The following PTPN3 variants were observed in gnomAD, a reference collection of about 807,000 sequenced individuals.
PTPN3 encodes the protein tyrosine-protein phosphatase non-receptor type 3.
A neutral mutation model predicts 132.7 loss-of-function variants in PTPN3; 96 were observed. The observed-to-expected ratio is 0.72, with a 90% CI of 0.61 to 0.86. The LOEUF (loss-of-function observed/expected upper bound fraction) is 0.86, where lower values mean the gene tolerates loss of function less well. Ranked by LOEUF, PTPN3 falls within the 40% of genes least tolerant of loss-of-function variation. The pLI is 0.00. For missense variants in PTPN3, 1,125 were observed against 1,159.6 expected (o/e 0.97, Z 0.43); for synonymous variants, 398 against 429.0 (o/e 0.93, Z 0.89).
chr9:109,391,993 A>T (rs1176824581), intron 19 of PTPN3, among the ~76,000 whole-genome samples: 1 of 151,680 alleles, frequency 6.6e-6, no homozygotes, highest in African/African-American at 2.4e-5. Context: ...AGAGCATTTC[A>T]TTCATCATTT....
intron 10 of PTPN3, among the ~76,000 whole-genome samples, chr9:109,430,686 T>C (rs1028878237): frequency 2.6e-5 from 4 of 152,140 alleles, no homozygotes; most frequent in African/African-American, 7.2e-5. Flanking sequence ...GAATGATGCA[T>C]GGAAGTAAAT....
intron 8 of PTPN3, 71 bp from the exon 9 acceptor site, chr9:109,437,041 C>G: frequency 6.3e-7 from 1 of 1,595,904 alleles, no homozygotes; most frequent in Non-Finnish European, 8.5e-7. Context: ...TTTAAAAAAT[C>G]TAGAACATTT....
intron 14 of PTPN3, chr9:109,417,766 T>C (rs1842631202): frequency 8.1e-6 from 8 of 985,234 alleles, no homozygotes; most frequent in African/African-American, 1.7e-5. Context: ...CCCTGACATG[T>C]CTATTGTCAG....
intron 19 of PTPN3, among the ~76,000 whole-genome samples, chr9:109,395,996 T>C (rs1479687368): frequency 1.3e-5 from 2 of 151,858 alleles, no homozygotes; most frequent in Non-Finnish European, 2.9e-5. Context: ...AGCTGGAATC[T>C]GTATACAGGC....
At chr9:109,529,198 G>A in the PTPN3 span, among the ~76,000 whole-genome samples, 1 of 152,200 alleles carries the variant, frequency 6.6e-6, no homozygotes, top group Non-Finnish European at 1.5e-5. Context: ...ACACATGAAG[G>A]AGGGAGAAGG....
At chr9:109,484,763 T>C (rs1293271203) in intron 1 of PTPN3, among the ~76,000 whole-genome samples, 2 of 152,190 alleles carry the variant, frequency 1.3e-5, no homozygotes, top group Non-Finnish European at 2.9e-5. Context: ...ACCCTCCTGC[T>C]GTGGCAAGAT....
chr9:109,413,234 A>G (rs943973447), intron 14 of PTPN3, among the ~76,000 whole-genome samples: 1 of 151,980 alleles, frequency 6.6e-6, no homozygotes, highest in Non-Finnish European at 1.5e-5. Flanking sequence ...GATTACAGGC[A>G]TGAGCCACCG....
chr9:109,438,547 G>A (rs1232480139), intron 7 of PTPN3, among the ~76,000 whole-genome samples: 1 of 152,202 alleles, frequency 6.6e-6, no homozygotes, highest in East Asian at 1.9e-4. Flanking sequence ...TCCATACACT[G>A]TGGTCAGCAC....
intron 5 of PTPN3, chr9:109,449,127 G>C (rs755081778): frequency 1.2e-4 from 148 of 1,254,640 alleles, no homozygotes; most frequent in Non-Finnish European, 1.4e-4. Context: ...GGGATGAATG[G>C]GGTGGAAACA....
At chr9:109,524,820 C>T in the PTPN3 span, among the ~76,000 whole-genome samples, 1 of 152,216 alleles carries the variant, frequency 6.6e-6, no homozygotes, top group Non-Finnish European at 1.5e-5. Flanking sequence ...TCACTGCAAC[C>T]TTTGCCTCCC....
At chr9:109,489,110 C>A (rs1485814920) in intron 1 of PTPN3, among the ~76,000 whole-genome samples, 1 of 152,198 alleles carries the variant, frequency 6.6e-6, no homozygotes, top group Non-Finnish European at 1.5e-5. Context: ...CTCTTAAATT[C>A]TATTAGAAAT....
At chr9:109,518,269 C>T in the PTPN3 span, among the ~76,000 whole-genome samples, 1 of 152,222 alleles carries the variant, frequency 6.6e-6, no homozygotes, top group African/African-American at 2.4e-5. Flanking sequence ...GTGAGGTCCT[C>T]TCAGCCAGGC....
In PTPN3 at chr9:109,498,273, G is replaced by A. The variant is rs2132137665; in HGVS notation, c.-72C>T. The stretch of plus-strand genomic sequence containing the variant: ...GGTAGGTCGCGCGTGCGGGCGGCGC[G>A]GAAGCTCGCTCGCGGCGCGACCTGG... On this transcript the variant is annotated 5_prime_UTR_variant, in exon 1 of 26. Coordinates refer to ENST00000374541, the MANE Select transcript of PTPN3 (RefSeq NM_002829.4). This position sits in a 1 kb window ranked among gnomAD's most constrained non-coding sequence, Gnocchi z 4.2. 1 of 146,534 alleles carries A rather than the reference G, an allele frequency of 6.8e-6. No individual in the cohort carries two copies. Among genetic ancestry groups the A allele is most frequent in the African/African-American group, 2.4e-5 (1 of 40,958 alleles). 9.1% of individuals were successfully genotyped at this position (146,534 alleles called of 1,614,324 possible). A position where few individuals can be genotyped will look rare whatever the true frequency, so the allele number is the denominator to read the frequency against.
At chr9:109,478,297 T>C (rs750204779) in intron 1 of PTPN3, among the ~76,000 whole-genome samples, 2 of 151,260 alleles carry the variant, frequency 1.3e-5, no homozygotes, top group Non-Finnish European at 3.0e-5. Context: ...GTAATGTCTA[T>C]GCAATCATAT....
intron 14 of PTPN3, among the ~76,000 whole-genome samples, chr9:109,418,863 C>T (rs1265472235): frequency 6.6e-6 from 1 of 152,218 alleles, no homozygotes; most frequent in East Asian, 1.9e-4. Context: ...CAAACCACCA[C>T]AGGAAGCTCT....
chr9:109,512,027 TTCTAATTTGGTAGG>T, the PTPN3 span, among the ~76,000 whole-genome samples: 3 of 152,154 alleles, frequency 2.0e-5, no homozygotes, highest in Non-Finnish European at 4.4e-5. Context: ...CTCTGGAGAT[TTCTAATTTGGTAGG>T]TCTAATTTGG....
Position 109,427,060 on chromosome 9 carries a change from C to A in PTPN3, c.891G>T (p.Leu297Phe). 2 of 1,614,080 alleles carry A rather than the reference C, an allele frequency of 1.2e-6. No individual in the cohort carries two copies. The highest frequency in any genetic ancestry group is 1.7e-6 in the Non-Finnish European group (2 of 1,179,948). The change falls in exon 12 of 26, where the codon TTG (leucine) becomes TTT (phenylalanine). Residue 297 changes from leucine to phenylalanine, a missense_variant. By Grantham distance (22) the Leu-to-Phe change is conservative. Coordinates refer to ENST00000374541, the MANE Select transcript of PTPN3 (RefSeq NM_002829.4). The part of the protein sequence containing the change: ...NMLNYRSCKN[L>F]WKSCVEHHTF... ...TATGGTGCTCAACACAGGATTTCCA[C>A]AAGTTTTTGCAAGATCGGTAATTCA...
In PTPN3 at chr9:109,404,610, TG is replaced by T; in HGVS notation, c.1793-3del. 1 of 1,520,320 alleles carries T rather than the reference TG, an allele frequency of 6.6e-7. No individual in the cohort carries two copies. Among genetic ancestry groups the T allele is most frequent in the Non-Finnish European group, 8.9e-7 (1 of 1,119,464 alleles). The allele number at this position is 1,520,320 out of a possible 1,614,324, so 94.2% of individuals were successfully genotyped here. A position where few individuals can be genotyped will look rare whatever the true frequency, so the allele number is the denominator to read the frequency against. On this transcript the variant is annotated splice_polypyrimidine_tract_variant and splice_region_variant and intron_variant, in intron 18 of 25. Coordinates refer to ENST00000374541, the MANE Select transcript of PTPN3 (RefSeq NM_002829.4). ...TGAAGTCAGCAAATGAGCGGACAGC[TG>T]TAACGTACAAGACAGTGCATCTGAC...
intron 14 of PTPN3, among the ~76,000 whole-genome samples, chr9:109,411,961 G>A (rs944919485): frequency 6.6e-6 from 1 of 152,154 alleles, no homozygotes; most frequent in Non-Finnish European, 1.5e-5. Flanking sequence ...AATTGAAGTT[G>A]TATACAAGTT....
Sources: gnomAD v4.1 joint callset for allele counts (sites outside exome capture counted in the v4.1 genomes callset) on GRCh38, gnomAD v4.1.1 for gene constraint, Gnocchi (gnomAD v3.1) non-coding constraint, MANE v1.5 for transcripts, NCBI Gene and HGNC (gene_info 2026-07-23, HGNC 2026-07-21) for gene names.